The following DACH1 variants were observed in gnomAD, a reference collection of about 807,000 sequenced individuals.
DACH1 encodes the protein dachshund homolog 1.
Under a neutral mutation model 54.2 loss-of-function variants are expected in DACH1, and 12 were observed. The ratio of observed to expected loss-of-function variants is 0.22; its 90% CI spans 0.14 to 0.36. The LOEUF (loss-of-function observed/expected upper bound fraction) is 0.36. DACH1 is among the 10% of genes least tolerant of loss of function. The pLI, the probability that DACH1 is intolerant of heterozygous loss-of-function variation, is 1.00. For missense variants in DACH1, 805 were observed against 929.8 expected, an observed-to-expected ratio of 0.87 and a Z score of 1.75; for synonymous variants, 386 against 366.2, an observed-to-expected ratio of 1.05 and a Z score of -0.62.
rs772116054 is a variant in DACH1, at chr13:71,559,974, G to C, written c.1300-19C>G. ...CACGCTCCTGCACCAGCAAGAGAGG[G>C]AAGGAGGGTAGAAAAGATGTTAAAT... is the stretch of plus-strand genomic sequence containing the variant. On this transcript the variant is annotated intron_variant, in intron 4 of 10. Coordinates refer to ENST00000613252, the MANE Select transcript of DACH1 (RefSeq NM_080759.6). 2.8e-5 allele frequency: 42 copies of C among 1,499,904 alleles called. No homozygotes were observed. In the South Asian group the frequency reaches 4.3e-4, roughly 15 times the overall value. The allele number at this position is 1,499,904 out of a possible 1,614,324, so 92.9% of individuals were successfully genotyped here.
At chr13:71,844,518 A>C (rs1350857401) in intron 1 of DACH1, among the ~76,000 whole-genome samples, 1 of 152,240 alleles carries the variant, frequency 6.6e-6, no homozygotes, top group African/African-American at 2.4e-5. Context: ...CTCCTCTCCT[A>C]AATGTCTAAG....
chr13:71,591,578 GA>G (rs1392426211), intron 3 of DACH1, among the ~76,000 whole-genome samples: 12 of 152,170 alleles, frequency 7.9e-5, no homozygotes, highest in African/African-American at 2.9e-4. Context: ...CTGTTGTGAT[GA>G]AATGAGTCAT....
chr13:71,605,743 TATA>T (rs138130738), intron 3 of DACH1, among the ~76,000 whole-genome samples: 481 of 152,132 alleles, frequency 3.2e-3, no homozygotes, highest in African/African-American at 0.011. Context: ...ATAAAAATAT[TATA>T]ATGTCCTTTT....
chr13:71,584,426 T>G (rs1873078297), intron 3 of DACH1, among the ~76,000 whole-genome samples: 1 of 152,158 alleles, frequency 6.6e-6, no homozygotes, highest in Non-Finnish European at 1.5e-5. Context: ...AGAAACATAA[T>G]TGTGTTATGG....
At chr13:71,523,564 G>C (rs1467419840) in intron 6 of DACH1, among the ~76,000 whole-genome samples, 1 of 152,096 alleles carries the variant, frequency 6.6e-6, no homozygotes, top group Non-Finnish European at 1.5e-5. Context: ...TGTAAAAAGA[G>C]AGGAAGGGCC....
chr13:71,700,413 G>A (rs1188845894), intron 1 of DACH1, among the ~76,000 whole-genome samples: 4 of 151,676 alleles, frequency 2.6e-5, no homozygotes, highest in Non-Finnish European at 4.4e-5. Flanking sequence ...AAAATTAGCC[G>A]GGGGTGGTGA....
chr13:71,686,662 CAGT>C (rs1398763896), intron 1 of DACH1, among the ~76,000 whole-genome samples: 1 of 152,126 alleles, frequency 6.6e-6, no homozygotes, highest in Non-Finnish European at 1.5e-5. Context: ...TTAATCTCTT[CAGT>C]AGTTTTTGAG....
rs191804884 is a variant in DACH1 at position 71,563,982 on chromosome 13, C to A, written c.1300-4027G>T. Among the ~76,000 whole-genome samples the A allele has an allele frequency of 8.6e-4, 131 of 151,886 alleles. 1 individual carries two copies. Among genetic ancestry groups the A allele is most frequent in the African/African-American group, 3.1e-3 (127 of 41,526 alleles). ...AATCTTTGGAACCTAATGTATTGTT[C>A]TTTGAAGAATTTCATTAAAGTAAAA... On this transcript the variant is annotated intron_variant, in intron 4 of 10. Coordinates refer to ENST00000613252, the MANE Select transcript of DACH1 (RefSeq NM_080759.6).
chr13:71,481,771 G>C (rs1043845192), intron 7 of DACH1, among the ~76,000 whole-genome samples: 7 of 152,142 alleles, frequency 4.6e-5, no homozygotes, highest in Non-Finnish European at 7.4e-5. Context: ...AGTGCAGCAG[G>C]GGGCTGGGAA....
At chr13:71,674,005 C>T (rs1434505025) in intron 2 of DACH1, among the ~76,000 whole-genome samples, 1 of 152,174 alleles carries the variant, frequency 6.6e-6, no homozygotes, top group East Asian at 1.9e-4. Flanking sequence ...TACATTAACA[C>T]ACCAGTGTTT....
chr13:71,563,720 C>G lies in DACH1; in HGVS notation c.1300-3765G>C, dbSNP rs531468493. Among the ~76,000 whole-genome samples the G allele has an allele frequency of 2.6e-5, 4 of 151,510 alleles. No individual in the cohort carries two copies. The South Asian group carries it at 8.4e-4, about 32-fold the overall frequency. The stretch of plus-strand genomic sequence containing the variant: ...TGCATTTTAAAAGCATAATAAAGCT[C>G]AGTAAATATGTATAAGTAAAATAAT... On this transcript the variant is annotated intron_variant, in intron 4 of 10. Transcript: ENST00000613252.
intron 1 of DACH1, among the ~76,000 whole-genome samples, chr13:71,751,010 TAGTC>T (rs1884897592): frequency 6.6e-6 from 1 of 152,194 alleles, no homozygotes; most frequent in African/African-American, 2.4e-5. Flanking sequence ...GGAATGTAAA[TAGTC>T]AGGAGAGGCT....
chr13:71,730,463 A>G (rs1241818767), intron 1 of DACH1, among the ~76,000 whole-genome samples: 1 of 152,212 alleles, frequency 6.6e-6, no homozygotes, highest in African/African-American at 2.4e-5. Context: ...TTCTGAATGT[A>G]TTTGAAATAA....
Position 71,802,659 on chromosome 13 carries a change from C to A in DACH1, c.848+63263G>T, listed in dbSNP as rs531899573. Among the ~76,000 whole-genome samples, 5 of 151,900 alleles carry A rather than the reference C, an allele frequency of 3.3e-5. No individual in the cohort carries two copies. The South Asian group carries it at 1.0e-3, about 32-fold the overall frequency. On this transcript the variant is annotated intron_variant, in intron 1 of 10. Coordinates refer to ENST00000613252, the MANE Select transcript of DACH1 (RefSeq NM_080759.6). ...TTTTAGTAAGAGGATATGTTTAAAT[C>A]AAAACAAAGAAGGTCTAATAACTAA... is the stretch of plus-strand genomic sequence containing the variant.
intron 1 of DACH1, among the ~76,000 whole-genome samples, chr13:71,818,593 G>A (rs1330976819): frequency 1.3e-5 from 2 of 152,136 alleles, no homozygotes; most frequent in South Asian, 2.1e-4. Context: ...GCCTCTTCAA[G>A]GAAGCCACTT....
chr13:71,482,434 C>T lies in DACH1; in HGVS notation c.1723-3118G>A, dbSNP rs183440226. Among the ~76,000 whole-genome samples, 490 of 152,222 alleles carry T rather than the reference C, an allele frequency of 3.2e-3. 1 individual carries two copies. Among genetic ancestry groups the T allele is most frequent in the Non-Finnish European group, 5.6e-3 (382 of 68,012 alleles). ...AATTTATTTCAGAATCAGACAATAT[C>T]TAAGGTTTCTCGAGTGTCACTGAAA... On this transcript the variant is annotated intron_variant, in intron 7 of 10. Coordinates refer to ENST00000613252, the MANE Select transcript of DACH1 (RefSeq NM_080759.6).
chr13:71,623,557 T>C (rs1876410059), intron 3 of DACH1, among the ~76,000 whole-genome samples: 1 of 151,834 alleles, frequency 6.6e-6, no homozygotes, highest in African/African-American at 2.4e-5. Flanking sequence ...ATAGATGTTA[T>C]AGTATACTTA....
At chr13:71,479,671 C>G (rs1432075346) in intron 7 of DACH1, among the ~76,000 whole-genome samples, 1 of 152,108 alleles carries the variant, frequency 6.6e-6, no homozygotes, top group Non-Finnish European at 1.5e-5. Context: ...TAGGCTGAAA[C>G]TCCTCCACAA....
At chr13:71,722,074 TC>T (rs1222019918) in intron 1 of DACH1, among the ~76,000 whole-genome samples, 2 of 152,178 alleles carry the variant, frequency 1.3e-5, no homozygotes. Flanking sequence ...AAAGTAATAT[TC>T]CTTAGCAGTA....
Sources: allele counts gnomAD v4.1 joint callset (sites outside exome capture counted in the v4.1 genomes callset), GRCh38; gene constraint gnomAD v4.1.1; transcripts MANE v1.5; gene names NCBI Gene and HGNC (gene_info 2026-07-23, HGNC 2026-07-21).